LIPE: variants seen among roughly 807,000 people sequenced by gnomAD.
The protein encoded by LIPE is hormone-sensitive lipase.
LIPE carries 66 observed loss-of-function variants against 88.5 expected under a neutral mutation model. The ratio of observed to expected loss-of-function variants is 0.75; its 90% CI spans 0.61 to 0.91. The LOEUF (loss-of-function observed/expected upper bound fraction) is 0.91. LIPE is among the 40% of genes least tolerant of loss of function. The pLI is 0.00. For missense variants in LIPE, 1,346 were observed against 1,434.7 expected, an observed-to-expected ratio of 0.94 and a Z score of 1.00; for synonymous variants, 570 against 617.5, an observed-to-expected ratio of 0.92 and a Z score of 1.14.
rs367896771 is a variant in LIPE at position 42,411,077 on chromosome 19, C to T, written c.884-235G>A. Among the ~76,000 whole-genome samples, 15 of 152,262 alleles carry T rather than the reference C, an allele frequency of 9.9e-5. No individual in the cohort carries two copies. The East Asian group carries it at 2.1e-3, about 22-fold the overall frequency. On this transcript the variant is annotated intron_variant, in intron 1 of 9. Transcript: ENST00000244289. The stretch of plus-strand genomic sequence containing the variant: ...AGTTCCCAGTGCCTTTGTCCCTCCT[C>T]GGGAGCCAGGAGTTTGGGCCCTCAG...
chr19:42,421,369 A>G (rs1288976345), intron 1 of LIPE, among the ~76,000 whole-genome samples: 1 of 152,172 alleles, frequency 6.6e-6, no homozygotes, highest in East Asian at 1.9e-4. Context: ...ACGCCTGTCC[A>G]TCTTGGGTCC....
chr19:42,405,699 G>A (rs993632067), intron 7 of LIPE, 138 bp from the exon 8 acceptor site: 55 of 818,472 alleles, frequency 6.7e-5, no homozygotes, highest in Non-Finnish European at 1.3e-5. Context: ...GCTGGGCGCA[G>A]TGGCTCACGC....
In LIPE at chr19:42,410,530, C is replaced by T. The variant is rs200855923; in HGVS notation, c.1196G>A (p.Arg399His). The stretch of plus-strand genomic sequence containing the variant: ...GTGGCTGGTGCGGAAGAAGATGCTG[C>T]GGCGGTTGGAGGCCACATAGCGGGA... ...HKSRYVASNR[R>H]SIFFRTSHNL... Residue 399 changes from arginine to histidine, a missense_variant, in exon 2 of 10, where the codon CGC (arginine) becomes CAC (histidine). Transcript: ENST00000244289. This position sits in a 1 kb window ranked among gnomAD's most constrained non-coding sequence, Gnocchi z 6.1. 2.2e-5 allele frequency: 35 copies of T among 1,612,616 alleles called. No individual in the cohort carries two copies. Among genetic ancestry groups the T allele is most frequent in the South Asian group, 1.1e-4 (10 of 91,084 alleles).
In LIPE at chr19:42,406,300, C is replaced by G; in HGVS notation, c.2226G>C (p.Gly742=). ...CCATGATGCCATCTGGCACCCGCAC[C>G]CCGTAGGCTGCTGCCCGAAGAGCCA... is the stretch of plus-strand genomic sequence containing the variant. ...FTVALRAAAY[G]VRVPDGIMAA... is the part of the protein sequence containing the mutation. Residue 742 remains glycine (G), a synonymous_variant, in exon 7 of 10, where the codon GGG becomes GGC. Coordinates refer to ENST00000244289, the MANE Select transcript of LIPE (RefSeq NM_005357.4). The surrounding 1 kb of genome is among the most constrained non-coding windows in gnomAD (Gnocchi z 5.7). The G allele has an allele frequency of 1.2e-6, 2 of 1,614,108 alleles. No individual in the cohort carries two copies. The highest frequency in any genetic ancestry group is 1.7e-6 in the Non-Finnish European group (2 of 1,180,002).
rs201395817 is a variant in LIPE at position 42,410,677 on chromosome 19, G to C, written c.1049C>G (p.Pro350Arg). 6 of 1,612,168 alleles carry C rather than the reference G, an allele frequency of 3.7e-6. No individual in the cohort carries two copies. The South Asian group carries it at 6.6e-5, about 18-fold the overall frequency. Residue 350 changes from proline to arginine, a missense_variant, in exon 2 of 10, where the codon CCG becomes CGG. Coordinates refer to ENST00000244289, the MANE Select transcript of LIPE (RefSeq NM_005357.4). This position sits in a 1 kb window ranked among gnomAD's most constrained non-coding sequence, Gnocchi z 6.1. ...CACACCCAGCAGGCGGCCCAGGGCCGGCTCCAGCCCCAGCGCCTGCTCCCG... is the reference window on the plus strand; with the variant it reads ...CACACCCAGCAGGCGGCCCAGGGCCCGCTCCAGCCCCAGCGCCTGCTCCCG... Reference protein sequence around the residue: ...GVREQALGLEPALGRLLGVAH... With the variant: ...GVREQALGLERALGRLLGVAH...
At position 42,402,036 on chromosome 19, in the gene LIPE, G is replaced by A; in HGVS notation, c.3007C>T (p.Leu1003Phe). 6.5e-7 allele frequency: 1 copy of A among 1,531,898 alleles called. No homozygotes were observed. The highest frequency in any genetic ancestry group is 8.8e-7 in the Non-Finnish European group (1 of 1,139,614). 94.9% of individuals were successfully genotyped at this position (1,531,898 alleles called of 1,614,324 possible). A position where few individuals can be genotyped will look rare whatever the true frequency, so the allele number is the denominator to read the frequency against. The change falls in exon 10 of 10, where the codon CTC (leucine) becomes TTC (phenylalanine). Residue 1003 changes from leucine (L) to phenylalanine (F), a missense_variant. By Grantham distance (22) the Leu-to-Phe change is conservative. Coordinates refer to ENST00000244289, the MANE Select transcript of LIPE (RefSeq NM_005357.4). Reference protein sequence around the residue: ...LDPMLDDSVMLARRLRNLGQP... With the variant: ...LDPMLDDSVMFARRLRNLGQP... ...CCCAGGTTGCGCAGTCGCCGCGCGA[G>A]CATGACCGAGTCGTCCAGCATGGGG...
Position 42,406,130 on chromosome 19 carries a change from CCT to C in LIPE, c.2365+29_2365+30del. The C allele has an allele frequency of 6.4e-7, 1 of 1,566,116 alleles. No individual in the cohort carries two copies. Among genetic ancestry groups the C allele is most frequent in the Non-Finnish European group, 8.7e-7 (1 of 1,143,226 alleles). ...TGCAGGAGTCAGACATCCATGCAGT[CCT>C]GTTTCCCTGCTGAGGGTGTGGGCCT... On this transcript the variant is annotated intron_variant, in intron 7 of 9. Coordinates refer to ENST00000244289, the MANE Select transcript of LIPE (RefSeq NM_005357.4). This position sits in a 1 kb window ranked among gnomAD's most constrained non-coding sequence, Gnocchi z 5.7.
chr19:42,416,213 G>A (rs925569389), intron 1 of LIPE, among the ~76,000 whole-genome samples: 5 of 151,948 alleles, frequency 3.3e-5, no homozygotes, highest in South Asian at 2.1e-4. Context: ...GCGTGGTGGC[G>A]CATGCCTGTA....
At chr19:42,417,651 C>T (rs546108213) in intron 1 of LIPE, among the ~76,000 whole-genome samples, 2 of 152,268 alleles carry the variant, frequency 1.3e-5, no homozygotes, top group Non-Finnish European at 2.9e-5. Context: ...TCTTGAATAG[C>T]TGGGATTACA....
At chr19:42,405,243 G>C (rs1600108034) in intron 8 of LIPE, 142 bp downstream of exon 8, 2 of 766,776 alleles carry the variant, frequency 2.6e-6, no homozygotes, top group African/African-American at 1.8e-5. Context: ...GACCTCAAGT[G>C]ATCTGCCCAC....
intron 7 of LIPE, 38 bp from the exon 8 acceptor site, chr19:42,405,599 T>C: frequency 6.3e-7 from 1 of 1,580,682 alleles, no homozygotes; most frequent in Non-Finnish European, 8.6e-7. Flanking sequence ...TGTTTTCCCC[T>C]TTCTGGGCCC....
At chr19:42,409,737 G>C (rs543662588) in intron 2 of LIPE, among the ~76,000 whole-genome samples, 2 of 152,340 alleles carry the variant, frequency 1.3e-5, no homozygotes, top group East Asian at 1.9e-4. Context: ...CATGACTCTA[G>C]GGTCACGGCT....
In LIPE at chr19:42,407,152, G is replaced by A; in HGVS notation, c.2137+22C>T. ...GGTGGGATGGGAGCAGGCGCAGGTG[G>A]CTGTGGGGGCCTGAGGCTCACCAAG... is the stretch of plus-strand genomic sequence containing the variant. On this transcript the variant is annotated intron_variant, in intron 6 of 9. Transcript: ENST00000244289. The surrounding 1 kb of genome is among the most constrained non-coding windows in gnomAD (Gnocchi z 5.8). The A allele has an allele frequency of 6.8e-7, 1 of 1,473,568 alleles. No homozygotes were observed. Among genetic ancestry groups the A allele is most frequent in the Non-Finnish European group, 9.0e-7 (1 of 1,110,378 alleles). 91.3% of individuals were successfully genotyped at this position (1,473,568 alleles called of 1,614,324 possible).
chr19:42,402,008 T>G lies in LIPE; in HGVS notation c.3035A>C (p.Gln1012Pro). The change falls in exon 10 of 10, where the codon CAG becomes CCG. Residue 1012 changes from glutamine (Q) to proline (P), a missense_variant. Transcript: ENST00000244289. ...CTCCACCACGCGCAGCGTCACCGGC[T>G]GGCCCAGGTTGCGCAGTCGCCGCGC... ...MLARRLRNLG[Q>P]PVTLRVVEDL... The G allele has an allele frequency of 6.5e-7, 1 of 1,546,618 alleles. No homozygotes were observed. The highest frequency in any genetic ancestry group is 2.0e-5 in the Admixed American group (1 of 50,996).
chr19:42,407,548 G>A lies in LIPE; in HGVS notation c.1842+58C>T, dbSNP rs1292987502. 1.9e-5 allele frequency: 30 copies of A among 1,575,900 alleles called. No individual in the cohort carries two copies. In the South Asian group the frequency reaches 2.7e-4, roughly 14 times the overall value. ...CACCCCTCCATGGGGATGCCAAGGT[G>A]GGGGCTGCCCACGCTCCTCGGCTCT... is the stretch of plus-strand genomic sequence containing the variant. On this transcript the variant is annotated intron_variant, in intron 5 of 9. Transcript: ENST00000244289. This position sits in a 1 kb window ranked among gnomAD's most constrained non-coding sequence, Gnocchi z 5.8.
At chr19:42,418,672 T>G (rs865913776) in intron 1 of LIPE, among the ~76,000 whole-genome samples, 23 of 151,904 alleles carry the variant, frequency 1.5e-4, no homozygotes, top group African/African-American at 5.6e-4. Flanking sequence ...AATTAAAATA[T>G]GTACATGGTA....
intron 9 of LIPE, 116 bp downstream of exon 9, chr19:42,402,491 C>T: frequency 5.5e-6 from 5 of 915,506 alleles, no homozygotes; most frequent in Non-Finnish European, 7.7e-6. Flanking sequence ...CACGCCTGTC[C>T]CTTTCTCCCC....
At chr19:42,423,726 T>G (rs2040650567) in intron 1 of LIPE, 31 of 1,131,282 alleles carry the variant, frequency 2.7e-5, no homozygotes, top group Non-Finnish European at 3.3e-5. Flanking sequence ...CCGCCAGAAT[T>G]TAAGATCTGG....
At chr19:42,402,501 C>T in intron 9 of LIPE, 106 bp downstream of exon 9, 1 of 1,023,492 alleles carries the variant, frequency 9.8e-7, no homozygotes, top group East Asian at 2.9e-5. Context: ...CCTTTCTCCC[C>T]ACTCCGGAGC....
Sources: gnomAD v4.1 joint callset for allele counts (sites outside exome capture counted in the v4.1 genomes callset) on GRCh38, gnomAD v4.1.1 for gene constraint, Gnocchi (gnomAD v3.1) non-coding constraint, MANE v1.5 for transcripts, NCBI Gene and HGNC (gene_info 2026-07-23, HGNC 2026-07-21) for gene names.